The following PPARGC1A variants were observed in gnomAD, a reference collection of about 807,000 sequenced individuals.
PPARGC1A encodes PPARG coactivator 1 alpha.
PPARGC1A carries 25 observed loss-of-function variants against 88.7 expected under a neutral mutation model. The ratio of observed to expected loss-of-function variants is 0.28; its 90% CI spans 0.21 to 0.39. PPARGC1A has a LOEUF of 0.39. Ranked by LOEUF, PPARGC1A falls within the 10% of genes least tolerant of loss-of-function variation. The pLI, the probability that PPARGC1A is intolerant of heterozygous loss-of-function variation, is 1.00. For missense variants in PPARGC1A, 880 were observed against 968.7 expected (o/e 0.91, Z 1.22); for synonymous variants, 363 against 355.6 (o/e 1.02, Z -0.24).
chr4:23,801,889 G>C lies in PPARGC1A; in HGVS notation c.2142-8C>G, dbSNP rs377729272. On this transcript the variant is annotated splice_polypyrimidine_tract_variant and splice_region_variant and intron_variant, in intron 11 of 12. Transcript: ENST00000264867. ...ATGAAACCATAGCTGTCTCTGCAAC[G>C]GACAAAGAAAAGTTCAAAGCTGGTT... The C allele has an allele frequency of 2.5e-6, 4 of 1,613,678 alleles. No individual in the cohort carries two copies. The highest frequency in any genetic ancestry group is 2.5e-6 in the Non-Finnish European group (3 of 1,179,788).
At chr4:24,414,139 T>C in the PPARGC1A span, among the ~76,000 whole-genome samples, 4 of 152,252 alleles carry the variant, frequency 2.6e-5, no homozygotes, top group East Asian at 5.8e-4. Flanking sequence ...CCAAACTGGG[T>C]TCCTTCTAGC....
chr4:23,797,567 C>T (rs1304965403), intron 12 of PPARGC1A, among the ~76,000 whole-genome samples: 2 of 152,136 alleles, frequency 1.3e-5, no homozygotes, highest in East Asian at 1.9e-4. Flanking sequence ...TCTAAGCAAA[C>T]TCTAGAATTT....
At chr4:24,363,793 A>G in the PPARGC1A span, among the ~76,000 whole-genome samples, 2 of 152,204 alleles carry the variant, frequency 1.3e-5, no homozygotes, top group African/African-American at 4.8e-5. Context: ...AATTAATTCA[A>G]ATTATGCCTT....
the PPARGC1A span, among the ~76,000 whole-genome samples, chr4:23,914,526 C>G: frequency 6.6e-6 from 1 of 152,178 alleles, no homozygotes; most frequent in Non-Finnish European, 1.5e-5. Context: ...CACAAACACA[C>G]CACCTCTAAA....
At chr4:23,996,334 C>G in the PPARGC1A span, among the ~76,000 whole-genome samples, 1 of 152,158 alleles carries the variant, frequency 6.6e-6, no homozygotes, top group Non-Finnish European at 1.5e-5. Context: ...AAATGAAGAT[C>G]TTTACACAAT....
the PPARGC1A span, among the ~76,000 whole-genome samples, chr4:24,147,772 A>G: frequency 2.6e-5 from 4 of 151,946 alleles, no homozygotes; most frequent in African/African-American, 9.7e-5. Context: ...AAATGGTGAA[A>G]CCCATCTCTA....
the PPARGC1A span, among the ~76,000 whole-genome samples, chr4:24,264,926 G>A: frequency 6.6e-6 from 1 of 152,200 alleles, no homozygotes; most frequent in Non-Finnish European, 1.5e-5. Context: ...CAACAAAGAA[G>A]TGAGGTAGCA....
chr4:24,057,825 G>A, the PPARGC1A span, among the ~76,000 whole-genome samples: 8 of 152,336 alleles, frequency 5.3e-5, no homozygotes, highest in African/African-American at 1.4e-4. Flanking sequence ...TGGTGGTGGC[G>A]AGACACAGCA....
the PPARGC1A span, among the ~76,000 whole-genome samples, chr4:24,027,375 CTG>C: frequency 1.3e-5 from 2 of 152,160 alleles, no homozygotes; most frequent in Non-Finnish European, 2.9e-5. Context: ...TCCCTTGACT[CTG>C]TTTCTTCCTC....
At chr4:24,337,737 C>T in the PPARGC1A span, among the ~76,000 whole-genome samples, 3 of 151,884 alleles carry the variant, frequency 2.0e-5, no homozygotes, top group South Asian at 4.2e-4. Flanking sequence ...AATAACTTGT[C>T]CCAGATCACA....
the PPARGC1A span, among the ~76,000 whole-genome samples, chr4:24,229,711 GGC>G: frequency 6.6e-6 from 1 of 151,904 alleles, no homozygotes; most frequent in Non-Finnish European, 1.5e-5. Context: ...TGGGTATAGT[GGC>G]ACATGCCTGT....
chr4:24,086,548 C>T, the PPARGC1A span, among the ~76,000 whole-genome samples: 1 of 152,192 alleles, frequency 6.6e-6, no homozygotes, highest in Non-Finnish European at 1.5e-5. Flanking sequence ...AGAGGCCTAC[C>T]TACAGTGCTC....
intron 10 of PPARGC1A, among the ~76,000 whole-genome samples, chr4:23,812,252 G>C (rs909543627): frequency 6.6e-6 from 1 of 152,024 alleles, no homozygotes; most frequent in Non-Finnish European, 1.5e-5. Flanking sequence ...CAGAAATGAT[G>C]ACTTTCTTAG....
the PPARGC1A span, among the ~76,000 whole-genome samples, chr4:24,129,849 A>G: frequency 1.3e-5 from 2 of 152,162 alleles, no homozygotes; most frequent in African/African-American, 4.8e-5. Flanking sequence ...CTTTGTGGGG[A>G]CATGGATGAA....
chr4:24,236,219 C>A, the PPARGC1A span, among the ~76,000 whole-genome samples: 2 of 152,088 alleles, frequency 1.3e-5, no homozygotes, highest in African/African-American at 4.8e-5. Context: ...GAGCAGACAC[C>A]CATCTGATGC....
At chr4:23,874,081 A>G (rs912042439) in intron 2 of PPARGC1A, among the ~76,000 whole-genome samples, 1 of 152,206 alleles carries the variant, frequency 6.6e-6, no homozygotes, top group Admixed American at 6.5e-5. Flanking sequence ...TCTGGGGGAA[A>G]AAATGTTAGT....
At chr4:24,449,059 A>G in the PPARGC1A span, among the ~76,000 whole-genome samples, 1 of 152,186 alleles carries the variant, frequency 6.6e-6, no homozygotes, top group African/African-American at 2.4e-5. Flanking sequence ...GGTCCCACAT[A>G]CCAGTGAAAC....
the PPARGC1A span, among the ~76,000 whole-genome samples, chr4:24,197,999 T>C: frequency 1.3e-5 from 2 of 152,210 alleles, no homozygotes. Context: ...ATTCTTAAAA[T>C]TCTTGGTACC....
the PPARGC1A span, among the ~76,000 whole-genome samples, chr4:23,987,245 G>C: frequency 2.0e-5 from 3 of 151,962 alleles, no homozygotes; most frequent in Non-Finnish European, 2.9e-5. Context: ...CTGCATTTCA[G>C]ACACAGATGA....
Sources: allele counts gnomAD v4.1 joint callset (sites outside exome capture counted in the v4.1 genomes callset), GRCh38; gene constraint gnomAD v4.1.1; transcripts MANE v1.5; gene names NCBI Gene and HGNC (gene_info 2026-07-23, HGNC 2026-07-21).